The following LRP2 variants were observed in gnomAD, a reference collection of about 807,000 sequenced individuals.
LRP2 encodes LDL receptor related protein 2, also known as low-density lipoprotein receptor-related protein 2.
A neutral mutation model predicts 531.0 loss-of-function variants in LRP2; 172 were observed. The observed-to-expected ratio is 0.32, with a 90% CI of 0.29 to 0.37. The LOEUF is 0.37. Ranked by LOEUF, LRP2 falls within the 10% of genes least tolerant of loss-of-function variation. LRP2 has a pLI of 1.00. For synonymous variants in LRP2, 1,992 were observed against 2,027.6 expected, an observed-to-expected ratio of 0.98 and a Z score of 0.47; for missense variants, 5,167 against 5,868.3, an observed-to-expected ratio of 0.88 and a Z score of 3.90.
At chr2:169,267,442 T>C (rs1250618069) in intron 16 of LRP2, among the ~76,000 whole-genome samples, 2 of 152,120 alleles carry the variant, frequency 1.3e-5, no homozygotes, top group South Asian at 2.1e-4. Flanking sequence ...GAACTCAGGA[T>C]CCAGAAACTC....
At position 169,185,468 on chromosome 2, in the gene LRP2, T is replaced by G. The variant is rs751394841; in HGVS notation, c.9845+35A>C. On this transcript the variant is annotated intron_variant, in intron 50 of 78. Coordinates refer to ENST00000649046, the MANE Select transcript of LRP2 (RefSeq NM_004525.3). ...AAAACATGGTTAGAATTTTTTAATT[T>G]TTAACTTTTAAAAAGCTCATCAGTG... The G allele has an allele frequency of 1.1e-5, 17 of 1,606,704 alleles. No individual in the cohort carries two copies. In the African/African-American group the frequency reaches 2.1e-4, roughly 20 times the overall value.
chr2:169,299,236 A>T (rs1258743038), intron 4 of LRP2, among the ~76,000 whole-genome samples: 1 of 152,046 alleles, frequency 6.6e-6, no homozygotes, highest in East Asian at 1.9e-4. Flanking sequence ...CATCCCGAGG[A>T]CTTGTAGAAT....
intron 16 of LRP2, among the ~76,000 whole-genome samples, chr2:169,269,940 G>C (rs1025486746): frequency 3.3e-5 from 5 of 152,106 alleles, no homozygotes; most frequent in African/African-American, 1.2e-4. Flanking sequence ...CAAAAAGTGG[G>C]TGAAGGATAT....
rs143287567 is a variant in LRP2, at chr2:169,190,664, C to CT, written c.9032+1167dup. On this transcript the variant is annotated intron_variant, in intron 48 of 78. Transcript: ENST00000649046. ...GCCATTCCTGATGCTCTCAATGTGC[C>CT]TGTGTGTGTCCCTTAACAGTCCTTG... Among the ~76,000 whole-genome samples, 623 of 152,270 alleles carry CT rather than the reference C, an allele frequency of 4.1e-3. 5 individuals carry two copies. Among genetic ancestry groups the CT allele is most frequent in the African/African-American group, 0.014 (585 of 41,536 alleles).
At chr2:169,231,293 CAGAAAGAAAAAAAAAAGAA>C (rs375589708) in intron 31 of LRP2, among the ~76,000 whole-genome samples, 2,587 of 114,062 alleles carry the variant, frequency 0.023, 75 homozygotes, top group African/African-American at 0.086. Context: ...GACCCTGTCT[CAGAAAGAAAAAAAAAAGAA>C]AGAAAGAAAA....
intron 3 of LRP2, 90 bp from the exon 4 acceptor site, chr2:169,307,487 A>G: frequency 2.4e-6 from 2 of 819,994 alleles, no homozygotes; most frequent in Non-Finnish European, 4.1e-6. Context: ...GGAAAGCATA[A>G]AGTTCATAGG....
In LRP2 at chr2:169,206,782, G is replaced by A. The variant is rs73035708; in HGVS notation, c.6938C>T (p.Pro2313Leu). The A allele has an allele frequency of 1.1e-4, 177 of 1,614,058 alleles. No homozygotes were observed. The African/African-American group carries it at 2.0e-3, about 18-fold the overall frequency. Residue 2313 changes from proline to leucine, a missense_variant, in exon 39 of 79, where the codon CCC becomes CTC. Physicochemically the swap from Pro to Leu is moderately conservative, Grantham distance 98. Transcript: ENST00000649046. ...ASKEPENTEP[P>L]TVIRDNINWL... The stretch of plus-strand genomic sequence containing the variant: ...GTTGATATTGTCTCTTATCACTGTG[G>A]GTGGCTCTGTGTTCTCTGGTTCCTT...
chr2:169,307,481 A>G (rs1415617051), intron 3 of LRP2, 84 bp from the exon 4 acceptor site: 6 of 864,626 alleles, frequency 6.9e-6, no homozygotes, highest in Non-Finnish European at 1.1e-5. Context: ...GATATTGGAA[A>G]GCATAAAGTT....
In LRP2 at chr2:169,233,542, TAC is replaced by T; in HGVS notation, c.4965_4966del (p.Tyr1656LeufsTer3). ...CCGACGAGTAGCACGGTCAGTCCAG[TAC>T]ACAGAGTCTTCAAAGAGAGTTAGGG... On this transcript the variant is annotated frameshift_variant, in exon 30 of 79. Coordinates refer to ENST00000649046, the MANE Select transcript of LRP2 (RefSeq NM_004525.3). LOFTEE classifies it high-confidence loss of function. The T allele has an allele frequency of 6.2e-7, 1 of 1,614,118 alleles. No homozygotes were observed. Among genetic ancestry groups the T allele is most frequent in the Non-Finnish European group, 8.5e-7 (1 of 1,180,030 alleles).
chr2:169,326,548 C>T (rs1468598623), intron 1 of LRP2, among the ~76,000 whole-genome samples: 2 of 152,034 alleles, frequency 1.3e-5, no homozygotes, highest in Admixed American at 6.5e-5. Flanking sequence ...AGTACAGTGG[C>T]GTGATCTCAG....
chr2:169,271,489 T>C (rs1683412162), intron 15 of LRP2, among the ~76,000 whole-genome samples: 1 of 151,904 alleles, frequency 6.6e-6, no homozygotes, highest in Non-Finnish European at 1.5e-5. Context: ...ATTGTGCACA[T>C]GTACCCTAGA....
At chr2:169,129,818 G>A (rs1007908995) in intron 77 of LRP2, among the ~76,000 whole-genome samples, 1 of 152,188 alleles carries the variant, frequency 6.6e-6, no homozygotes, top group African/African-American at 2.4e-5. Context: ...ATGGTGCGTG[G>A]CCCACGCTTT....
chr2:169,173,790 G>T, intron 56 of LRP2, 129 bp downstream of exon 56: 2 of 1,286,686 alleles, frequency 1.6e-6, no homozygotes, highest in Non-Finnish European at 1.1e-6. Flanking sequence ...GCCAGAGTTT[G>T]CAGGGAGTGC....
At chr2:169,156,463 C>G in intron 64 of LRP2, 58 bp from the exon 65 acceptor site, 2 of 1,607,314 alleles carry the variant, frequency 1.2e-6, no homozygotes, top group Admixed American at 3.3e-5. Context: ...CCTTAGAGAT[C>G]TTGCTTCTGT....
In LRP2 at chr2:169,176,732, C is replaced by T. The variant is rs1021094314; in HGVS notation, c.10394-144G>A. ...TAGATTTATGATTTTCCCAAAAGTTCCTAAATAAAACAGATGATAGAGTTA... is the reference window on the plus strand; with the variant it reads ...TAGATTTATGATTTTCCCAAAAGTTTCTAAATAAAACAGATGATAGAGTTA... On this transcript the variant is annotated intron_variant, in intron 53 of 78. Coordinates refer to ENST00000649046, the MANE Select transcript of LRP2 (RefSeq NM_004525.3). The T allele has an allele frequency of 3.9e-6, 3 of 762,480 alleles. No individual in the cohort carries two copies. In the African/African-American group the frequency reaches 5.2e-5, roughly 13 times the overall value. 47.2% of individuals were successfully genotyped at this position (762,480 alleles called of 1,614,324 possible).
At chr2:169,323,708 A>G (rs1478099134) in intron 1 of LRP2, among the ~76,000 whole-genome samples, 1 of 152,110 alleles carries the variant, frequency 6.6e-6, no homozygotes, top group Non-Finnish European at 1.5e-5. Context: ...ACATAGAACC[A>G]GCTTTAAAAC....
At chr2:169,245,929 G>A (rs553318291) in intron 21 of LRP2, among the ~76,000 whole-genome samples, 20 of 152,004 alleles carry the variant, frequency 1.3e-4, no homozygotes, top group East Asian at 5.8e-4. Context: ...TGAAGTACAC[G>A]GCACAGTCTT....
chr2:169,209,767 A>G (rs535446784), intron 37 of LRP2, 126 bp from the exon 38 acceptor site: 31 of 941,958 alleles, frequency 3.3e-5, no homozygotes, highest in African/African-American at 3.2e-4. Context: ...TACAAAATGA[A>G]ACCCTTTTTT....
intron 63 of LRP2, among the ~76,000 whole-genome samples, chr2:169,160,061 C>T (rs763243550): frequency 1.6e-4 from 24 of 152,166 alleles, no homozygotes; most frequent in Admixed American, 3.3e-4. Flanking sequence ...ACATATGGCA[C>T]TCTATTTATA....
Sources: allele counts gnomAD v4.1 joint callset (sites outside exome capture counted in the v4.1 genomes callset), GRCh38; gene constraint gnomAD v4.1.1; transcripts MANE v1.5; gene names NCBI Gene and HGNC (gene_info 2026-07-23, HGNC 2026-07-21).